The following ZNF750 variants were observed in gnomAD, a reference collection of about 807,000 sequenced individuals.
ZNF750 encodes zinc finger protein 750.
A neutral mutation model predicts 31.6 loss-of-function variants in ZNF750; 10 were observed. That is an observed-to-expected ratio of 0.32 (90% CI 0.19 to 0.54). The LOEUF is 0.54. Ranked by LOEUF, ZNF750 falls within the 20% of genes least tolerant of loss-of-function variation. The pLI is 0.95. For synonymous variants in ZNF750, 400 were observed against 404.9 expected (o/e 0.99, Z 0.15); for missense variants, 914 against 934.9 (o/e 0.98, Z 0.29).
Position 82,830,030 on chromosome 17 carries a change from A to C in ZNF750, c.*112T>G, listed in dbSNP as rs2053335106. ...TTGTTTGTTTGTTTTTTTGAGAAGC[A>C]GCAGCTGCATTTGTAAAAATGTGAA... On this transcript the variant is annotated 3_prime_UTR_variant, in exon 3 of 3. Transcript: ENST00000269394. 2.6e-6 allele frequency: 4 copies of C among 1,515,428 alleles called. No homozygotes were observed. The African/African-American group carries it at 5.5e-5, about 21-fold the overall frequency. 93.9% of individuals were successfully genotyped at this position (1,515,428 alleles called of 1,614,324 possible). A position where few individuals can be genotyped will look rare whatever the true frequency, so the allele number is the denominator to read the frequency against.
intron 1 of ZNF750, chr17:82,839,010 GA>G (rs1436765303): frequency 8.2e-6 from 8 of 978,010 alleles, no homozygotes; most frequent in East Asian, 1.1e-4. Context: ...TTCATATAAG[GA>G]AAAAAACCCT....
At position 82,832,786 on chromosome 17, in the gene ZNF750, C is replaced by T. The variant is rs1427883224; in HGVS notation, c.-182-150G>A. 1 of 429,906 alleles carries T rather than the reference C, an allele frequency of 2.3e-6. No homozygotes were observed. The highest frequency in any genetic ancestry group is 4.3e-6 in the Non-Finnish European group (1 of 232,058). 26.6% of individuals were successfully genotyped at this position (429,906 alleles called of 1,614,324 possible). ...TCCTGAGGGGAGCAGCTGCCGGTCA[C>T]AGAAGCAGCCCTGCCCTACCCTTGG... On this transcript the variant is annotated intron_variant, in intron 1 of 2. Transcript: ENST00000269394. This position sits in a 1 kb window ranked among gnomAD's most constrained non-coding sequence, Gnocchi z 4.9.
In ZNF750 at chr17:82,831,322, T is replaced by A. The variant is rs766845141; in HGVS notation, c.1133A>T (p.Glu378Val). The change falls in exon 2 of 3, where the codon GAA (glutamate) becomes GTA (valine). Residue 378 changes from glutamate (E) to valine (V), a missense_variant. Physicochemically the swap from Glu to Val is moderately radical, Grantham distance 121. Transcript: ENST00000269394. The surrounding 1 kb of genome is among the most constrained non-coding windows in gnomAD (Gnocchi z 4.6). ...SDPNRKHVEFESPIPEAKDSS... is the reference protein window; with the variant it reads ...SDPNRKHVEFVSPIPEAKDSS... ...GTCTTTAGCCTCAGGAATTGGACTT[T>A]CGAACTCGACGTGTTTTCTGTTGGG... 18 of 1,613,900 alleles carry A rather than the reference T, an allele frequency of 1.1e-5. No homozygotes were observed. In the Admixed American group the frequency reaches 2.8e-4, roughly 25 times the overall value.
rs187135973 is a variant in ZNF750, at chr17:82,831,881, C to T, written c.574G>A (p.Val192Met). The T allele has an allele frequency of 1.4e-5, 23 of 1,614,184 alleles. No individual in the cohort carries two copies. Among genetic ancestry groups the T allele is most frequent in the African/African-American group, 8.0e-5 (6 of 75,042 alleles). ...LALHNPTAKA[V>M]SFHTKSAFHT... ...AAGGCCGACTTGGTGTGGAAAGACA[C>T]GGCCTTGGCAGTGGGGTTGTGTAAA... Residue 192 changes from valine to methionine, a missense_variant, in exon 2 of 3, where the codon GTG (valine) becomes ATG (methionine). This residue lies in a region of ZNF750 where 880 missense variants were observed against 868.9 expected (regional missense o/e 1.01). Coordinates refer to ENST00000269394, the MANE Select transcript of ZNF750 (RefSeq NM_024702.3). This position sits in a 1 kb window ranked among gnomAD's most constrained non-coding sequence, Gnocchi z 4.6.
In ZNF750 at chr17:82,829,853, A is replaced by T; in HGVS notation, c.*289T>A. On this transcript the variant is annotated 3_prime_UTR_variant, in exon 3 of 3. Transcript: ENST00000269394. Reference sequence around the variant, plus strand: ...AATGGTGAGATATTTATAAGGAAACATTTATAAAAGATCTTCTGTAAGACA... The same window carrying T: ...AATGGTGAGATATTTATAAGGAAACTTTTATAAAAGATCTTCTGTAAGACA... 2.2e-6 allele frequency: 1 copy of T among 449,086 alleles called. No individual in the cohort carries two copies. The highest frequency in any genetic ancestry group is 4.0e-6 in the Non-Finnish European group (1 of 251,932). 27.8% of individuals were successfully genotyped at this position (449,086 alleles called of 1,614,324 possible). A position where few individuals can be genotyped will look rare whatever the true frequency, so the allele number is the denominator to read the frequency against.
intron 1 of ZNF750, among the ~76,000 whole-genome samples, chr17:82,836,204 C>T (rs1196681807): frequency 6.6e-6 from 1 of 152,260 alleles, no homozygotes; most frequent in African/African-American, 2.4e-5. Flanking sequence ...AGTAGAGAAG[C>T]CGGGTGCCTG....
At position 82,832,344 on chromosome 17, in the gene ZNF750, C is replaced by T. The variant is rs772654814; in HGVS notation, c.111G>A (p.Lys37=). 32 of 1,614,206 alleles carry T rather than the reference C, an allele frequency of 2.0e-5. No homozygotes were observed. Among genetic ancestry groups the T allele is most frequent in the Non-Finnish European group, 2.5e-5 (29 of 1,180,034 alleles). Residue 37 remains lysine (K), a synonymous_variant, in exon 2 of 3, where the codon AAG becomes AAA. Coordinates refer to ENST00000269394, the MANE Select transcript of ZNF750 (RefSeq NM_024702.3). The surrounding 1 kb of genome is among the most constrained non-coding windows in gnomAD (Gnocchi z 4.9). The part of the protein sequence containing the change: ...CFQCPFTCNE[K]SHLFNHMKYG... ...ACTTCATGTGATTAAAAAGATGTGA[C>T]TTCTCATTGCAAGTAAAGGGACATT...
rs2053502680 is a variant in ZNF750 at position 82,831,444 on chromosome 17, A to G, written c.1011T>C (p.Pro337=). 3 of 1,614,040 alleles carry G rather than the reference A, an allele frequency of 1.9e-6. No homozygotes were observed. The African/African-American group carries it at 4.0e-5, about 22-fold the overall frequency. Residue 337 remains proline, a synonymous_variant, in exon 2 of 3, where the codon CCT becomes CCC. Transcript: ENST00000269394. The surrounding 1 kb of genome is among the most constrained non-coding windows in gnomAD (Gnocchi z 4.6). ...AFSSYGLRLP[P]VTGLTRDQSS... ...TCTGATCTCGGGTGAGGCCAGTGACAGGTGGGAGTCTGAGACCATAGGAGG... is the reference window on the plus strand; with the variant it reads ...TCTGATCTCGGGTGAGGCCAGTGACGGGTGGGAGTCTGAGACCATAGGAGG...
rs898850065 is a variant in ZNF750, at chr17:82,832,084, C to T, written c.371G>A (p.Arg124Lys). 1.9e-6 allele frequency: 3 copies of T among 1,614,048 alleles called. No individual in the cohort carries two copies. Among genetic ancestry groups the T allele is most frequent in the African/African-American group, 2.7e-5 (2 of 74,930 alleles). The change falls in exon 2 of 3, where the codon AGG (arginine) becomes AAG (lysine). Residue 124 changes from arginine (R) to lysine (K), a missense_variant. Arg to Lys is a conservative substitution (Grantham distance 26, BLOSUM62 2). This residue lies in a region of ZNF750 where 880 missense variants were observed against 868.9 expected (regional missense o/e 1.01). Coordinates refer to ENST00000269394, the MANE Select transcript of ZNF750 (RefSeq NM_024702.3). This position sits in a 1 kb window ranked among gnomAD's most constrained non-coding sequence, Gnocchi z 4.9. ...GAGGGCTGGCTTCTGTCCCAGGCAC[C>T]TGTGGGTTCCCCGGGCTTGCAGCTC... ...NLELQARGTH[R>K]CLGQKPALHR...
Position 82,831,880 on chromosome 17 carries a change from ACG to A in ZNF750, c.573_574del (p.Ser193PhefsTer28). 6.2e-7 allele frequency: 1 copy of A among 1,614,082 alleles called. No individual in the cohort carries two copies. The highest frequency in any genetic ancestry group is 8.5e-7 in the Non-Finnish European group (1 of 1,179,996). On this transcript the variant is annotated frameshift_variant, in exon 2 of 3. Transcript: ENST00000269394. LOFTEE classifies it high-confidence loss of function. The surrounding 1 kb of genome is among the most constrained non-coding windows in gnomAD (Gnocchi z 4.6). The stretch of plus-strand genomic sequence containing the variant: ...GAAGGCCGACTTGGTGTGGAAAGAC[ACG>A]GCCTTGGCAGTGGGGTTGTGTAAAG...
chr17:82,835,136 G>C lies in ZNF750; in HGVS notation c.-182-2500C>G, dbSNP rs972358227. Among the ~76,000 whole-genome samples, 1 of 152,198 alleles carries C rather than the reference G, an allele frequency of 6.6e-6. No individual in the cohort carries two copies. Among genetic ancestry groups the C allele is most frequent in the East Asian group, 1.9e-4 (1 of 5,188 alleles). ...CAGTATTTTTTTTAAGGAATGGGCA[G>C]ATGTGCCCATTCTTGAGTCTGTGAG... is the stretch of plus-strand genomic sequence containing the variant. On this transcript the variant is annotated intron_variant, in intron 1 of 2. Transcript: ENST00000269394. This position sits in a 1 kb window ranked among gnomAD's most constrained non-coding sequence, Gnocchi z 4.5.
chr17:82,831,960 G>T lies in ZNF750; in HGVS notation c.495C>A (p.Val165=), dbSNP rs35867846. The T allele has an allele frequency of 6.2e-7, 1 of 1,613,860 alleles. No individual in the cohort carries two copies. The highest frequency in any genetic ancestry group is 1.1e-5 in the South Asian group (1 of 91,072). ...GAARPSAFVP[V]GEHRLKGPDN... Reference sequence around the variant, plus strand: ...CTGGCCCCTTGAGTCTGTGCTCGCCGACTGGAACAAATGCAGAAGGCCGAG... The same window carrying T: ...CTGGCCCCTTGAGTCTGTGCTCGCCTACTGGAACAAATGCAGAAGGCCGAG... The change falls in exon 2 of 3, where the codon GTC becomes GTA. Residue 165 remains valine, a synonymous_variant. Transcript: ENST00000269394. The surrounding 1 kb of genome is among the most constrained non-coding windows in gnomAD (Gnocchi z 4.6).
intron 1 of ZNF750, among the ~76,000 whole-genome samples, chr17:82,836,941 TGA>T (rs1382664942): frequency 6.6e-6 from 1 of 152,124 alleles, no homozygotes; most frequent in Non-Finnish European, 1.5e-5. Flanking sequence ...CCCCTGGTGG[TGA>T]GAGTGTTTGG....
At position 82,831,431 on chromosome 17, in the gene ZNF750, T is replaced by G. The variant is rs772477047; in HGVS notation, c.1024A>C (p.Thr342Pro). 6.2e-7 allele frequency: 1 copy of G among 1,614,100 alleles called. No individual in the cohort carries two copies. Among genetic ancestry groups the G allele is most frequent in the Non-Finnish European group, 8.5e-7 (1 of 1,179,992 alleles). Residue 342 changes from threonine to proline, a missense_variant, in exon 2 of 3, where the codon ACC becomes CCC. Thr to Pro is a conservative substitution (Grantham distance 38, BLOSUM62 -1). Around this residue, in one of 2 missense-constraint regions of ZNF750, gnomAD observed 880 missense variants for 868.9 expected, o/e 1.01. Coordinates refer to ENST00000269394, the MANE Select transcript of ZNF750 (RefSeq NM_024702.3). This position sits in a 1 kb window ranked among gnomAD's most constrained non-coding sequence, Gnocchi z 4.6. ...GLRLPPVTGL[T>P]RDQSSHLLEE... ...AGCAGGTGAGAGCTCTGATCTCGGG[T>G]GAGGCCAGTGACAGGTGGGAGTCTG...
chr17:82,831,350 C>T lies in ZNF750; in HGVS notation c.1105G>A (p.Asp369Asn). Reference sequence around the variant, plus strand: ...AACTCGACGTGTTTTCTGTTGGGGTCCGAAGGGTTTAACCTGGAAGGACTC... The same window carrying T: ...AACTCGACGTGTTTTCTGTTGGGGTTCGAAGGGTTTAACCTGGAAGGACTC... Reference protein sequence around the residue: ...ASSPSRLNPSDPNRKHVEFES... With the variant: ...ASSPSRLNPSNPNRKHVEFES... The change falls in exon 2 of 3, where the codon GAC becomes AAC. Residue 369 changes from aspartate to asparagine, a missense_variant. By Grantham distance (23) the Asp-to-Asn change is conservative. Coordinates refer to ENST00000269394, the MANE Select transcript of ZNF750 (RefSeq NM_024702.3). This position sits in a 1 kb window ranked among gnomAD's most constrained non-coding sequence, Gnocchi z 4.6. The T allele has an allele frequency of 6.2e-7, 1 of 1,613,952 alleles. No individual in the cohort carries two copies. Among genetic ancestry groups the T allele is most frequent in the Non-Finnish European group, 8.5e-7 (1 of 1,180,024 alleles).
At chr17:82,839,430 T>C (rs1048254780) in intron 1 of ZNF750, among the ~76,000 whole-genome samples, 1 of 150,258 alleles carries the variant, frequency 6.7e-6, no homozygotes, top group Non-Finnish European at 1.5e-5. Context: ...CTAATGTACA[T>C]ACACCACACA....
intron 1 of ZNF750, among the ~76,000 whole-genome samples, chr17:82,838,037 C>T (rs886703278): frequency 2.0e-5 from 3 of 152,198 alleles, no homozygotes; most frequent in Non-Finnish European, 4.4e-5. Flanking sequence ...TGTGCTCAGC[C>T]GATGCACTTG....
rs1300790535 is a variant in ZNF750 at position 82,830,105 on chromosome 17, T to TG, written c.*36dup. The TG allele has an allele frequency of 6.2e-7, 1 of 1,611,970 alleles. No homozygotes were observed. The highest frequency in any genetic ancestry group is 1.7e-5 in the Admixed American group (1 of 60,022). On this transcript the variant is annotated 3_prime_UTR_variant, in exon 3 of 3. Coordinates refer to ENST00000269394, the MANE Select transcript of ZNF750 (RefSeq NM_024702.3). The stretch of plus-strand genomic sequence containing the variant: ...CTTGCCACCTTGGAAGGCGTGTGTG[T>TG]GGCCGTAGCTCTGTGAACACACGTG...
chr17:82,831,198 G>C lies in ZNF750; in HGVS notation c.1257C>G (p.Asp419Glu). ...TGSPGRPSPT[D>E]FMQTSQTCEG... ...CGCAGGTCTGGCTCGTCTGCATGAA[G>C]TCGGTGGGGCTCGGCCTCCCTGGGG... The change falls in exon 2 of 3, where the codon GAC (aspartate) becomes GAG (glutamate). Residue 419 changes from aspartate to glutamate, a missense_variant. By Grantham distance (45) the Asp-to-Glu change is conservative (BLOSUM62 2). Coordinates refer to ENST00000269394, the MANE Select transcript of ZNF750 (RefSeq NM_024702.3). The surrounding 1 kb of genome is among the most constrained non-coding windows in gnomAD (Gnocchi z 4.6). 6.2e-7 allele frequency: 1 copy of C among 1,614,164 alleles called. No individual in the cohort carries two copies. Among genetic ancestry groups the C allele is most frequent in the East Asian group, 2.2e-5 (1 of 44,876 alleles).
Sources: allele counts gnomAD v4.1 joint callset (sites outside exome capture counted in the v4.1 genomes callset), GRCh38; gene constraint gnomAD v4.1.1; regional missense constraint gnomAD v4.1.1; non-coding constraint Gnocchi (gnomAD v3.1); transcripts MANE v1.5; gene names NCBI Gene and HGNC (gene_info 2026-07-23, HGNC 2026-07-21).